Variants in PDZRN4 observed in about 807,000 individuals in gnomAD.
PDZRN4 encodes PDZ domain-containing RING finger protein 4.
PDZRN4 carries 70 observed loss-of-function variants against 99.0 expected under a neutral mutation model. The ratio of observed to expected loss-of-function variants is 0.71; its 90% CI spans 0.58 to 0.86. The LOEUF is 0.86. PDZRN4 is among the 40% of genes least tolerant of loss of function. The probability of loss-of-function intolerance (pLI) is 0.00; values close to 1 mark genes in which losing one functional copy is unlikely to be tolerated. For missense variants in PDZRN4, 1,474 were observed against 1,331.2 expected, an observed-to-expected ratio of 1.11 and a Z score of -1.67; for synonymous variants, 551 against 501.6, an observed-to-expected ratio of 1.10 and a Z score of -1.32.
At chr12:41,492,870 C>T (rs1482265095) in intron 3 of PDZRN4, among the ~76,000 whole-genome samples, 3 of 152,092 alleles carry the variant, frequency 2.0e-5, no homozygotes, top group East Asian at 1.9e-4. Flanking sequence ...CAAAATCAAC[C>T]TTGGCTTGAA....
At position 41,286,211 on chromosome 12, in the gene PDZRN4, T is replaced by C. The variant is rs577421053; in HGVS notation, c.843+92023T>C. Among the ~76,000 whole-genome samples, 3 of 151,990 alleles carry C rather than the reference T, an allele frequency of 2.0e-5. No homozygotes were observed. In the East Asian group the frequency reaches 5.8e-4, roughly 29 times the overall value. On this transcript the variant is annotated intron_variant, in intron 3 of 9. Coordinates refer to ENST00000402685, the MANE Select transcript of PDZRN4 (RefSeq NM_001164595.2). ...TTTAAGTATGCTGGTATATTAAAAG[T>C]GTACATGTTTGAAAAAAAACAGCAA... is the stretch of plus-strand genomic sequence containing the variant.
At chr12:41,385,295 A>G (rs903341821) in intron 3 of PDZRN4, among the ~76,000 whole-genome samples, 2 of 152,210 alleles carry the variant, frequency 1.3e-5, no homozygotes, top group African/African-American at 4.8e-5. Flanking sequence ...GGCAATGGAC[A>G]TGGCCTTGCA....
intron 3 of PDZRN4, among the ~76,000 whole-genome samples, chr12:41,464,905 AC>A (rs1318188263): frequency 4.0e-5 from 6 of 148,240 alleles, no homozygotes; most frequent in Non-Finnish European, 8.9e-5. Flanking sequence ...GCTCACTGCA[AC>A]CCCCTCCTCC....
At chr12:41,552,574 C>A in intron 5 of PDZRN4, 82 bp from the exon 6 acceptor site, 1 of 1,071,114 alleles carries the variant, frequency 9.3e-7, no homozygotes, top group Non-Finnish European at 1.4e-6. Context: ...CCAGAGTAAC[C>A]CAAAGAATAT....
chr12:41,556,493 G>A (rs553168681), intron 7 of PDZRN4, among the ~76,000 whole-genome samples: 3 of 152,330 alleles, frequency 2.0e-5, no homozygotes, highest in Admixed American at 2.0e-4. Context: ...TGACACAATG[G>A]TAAGTCTTTA....
chr12:41,308,419 T>A (rs1951585672), intron 3 of PDZRN4, among the ~76,000 whole-genome samples: 1 of 152,158 alleles, frequency 6.6e-6, no homozygotes, highest in South Asian at 2.1e-4. Flanking sequence ...CTTTTTTATA[T>A]CGCATTATTC....
Position 41,485,869 on chromosome 12 carries a change from A to G in PDZRN4, c.844-20587A>G, listed in dbSNP as rs562080071. On this transcript the variant is annotated intron_variant, in intron 3 of 9. Coordinates refer to ENST00000402685, the MANE Select transcript of PDZRN4 (RefSeq NM_001164595.2). ...TGCTACAACTTAGTCTCAAAAAACA[A>G]TTTAACCAGAAATACACCTAAAGGT... is the stretch of plus-strand genomic sequence containing the variant. Among the ~76,000 whole-genome samples the G allele has an allele frequency of 2.5e-4, 38 of 152,294 alleles. No homozygotes were observed. The East Asian group carries it at 7.3e-3, about 29-fold the overall frequency.
intron 3 of PDZRN4, among the ~76,000 whole-genome samples, chr12:41,373,576 C>G (rs1952059172): frequency 6.6e-6 from 1 of 152,160 alleles, no homozygotes; most frequent in Non-Finnish European, 1.5e-5. Context: ...TTAAGGTTCT[C>G]TCTTATTCCC....
intron 3 of PDZRN4, among the ~76,000 whole-genome samples, chr12:41,304,047 G>T (rs569528661): frequency 2.0e-5 from 3 of 152,262 alleles, no homozygotes; most frequent in Admixed American, 1.3e-4. Flanking sequence ...TCCCTGAGGA[G>T]GTCAGAAAAT....
chr12:41,294,953 T>C (rs937799740), intron 3 of PDZRN4, among the ~76,000 whole-genome samples: 18 of 152,048 alleles, frequency 1.2e-4, no homozygotes, highest in Non-Finnish European at 2.6e-4. Flanking sequence ...ATGAATCTTC[T>C]TCAAAGAGCC....
At chr12:41,486,939 G>A (rs1937787426) in intron 3 of PDZRN4, among the ~76,000 whole-genome samples, 1 of 152,092 alleles carries the variant, frequency 6.6e-6, no homozygotes, top group Non-Finnish European at 1.5e-5. Flanking sequence ...AGCGGCAGGA[G>A]CATTCCTTAC....
intron 3 of PDZRN4, among the ~76,000 whole-genome samples, chr12:41,224,528 A>G (rs1203566481): frequency 1.3e-5 from 2 of 152,178 alleles, no homozygotes; most frequent in African/African-American, 2.4e-5. Context: ...GGAAGAGATC[A>G]AGTGATAGTG....
chr12:41,316,550 C>A (rs1179238321), intron 3 of PDZRN4, among the ~76,000 whole-genome samples: 2 of 149,760 alleles, frequency 1.3e-5, no homozygotes, highest in African/African-American at 4.9e-5. Context: ...ATAGACACAA[C>A]TAAATATTTA....
intron 3 of PDZRN4, among the ~76,000 whole-genome samples, chr12:41,293,543 ATTTCC>A (rs1951470803): frequency 6.6e-6 from 1 of 152,010 alleles, no homozygotes; most frequent in Admixed American, 6.6e-5. Context: ...AGTTTGGCAG[ATTTCC>A]TTAGAATCTT....
At chr12:41,327,016 T>C (rs1352671323) in intron 3 of PDZRN4, among the ~76,000 whole-genome samples, 1 of 152,188 alleles carries the variant, frequency 6.6e-6, no homozygotes, top group Non-Finnish European at 1.5e-5. Context: ...TCTCTCCAGG[T>C]CAGTATAGTC....
chr12:41,486,182 A>G (rs1319092063), intron 3 of PDZRN4, among the ~76,000 whole-genome samples: 3 of 152,198 alleles, frequency 2.0e-5, no homozygotes. Context: ...ATTGTAAAAG[A>G]CATTAAAATA....
rs919177564 is a variant in PDZRN4 at position 41,195,564 on chromosome 12, G to A, written c.843+1376G>A. On this transcript the variant is annotated intron_variant, in intron 3 of 9. Transcript: ENST00000402685. Reference sequence around the variant, plus strand: ...AGAACACAACATTTATAAATTAGCCGACTACAAAATTTAGAAAAAAAAGAA... The same window carrying A: ...AGAACACAACATTTATAAATTAGCCAACTACAAAATTTAGAAAAAAAAGAA... Among the ~76,000 whole-genome samples the A allele has an allele frequency of 5.9e-5, 9 of 151,420 alleles. No homozygotes were observed. In the South Asian group the frequency reaches 6.3e-4, roughly 11 times the overall value.
chr12:41,439,624 A>T (rs1411370399), intron 3 of PDZRN4, among the ~76,000 whole-genome samples: 2 of 152,160 alleles, frequency 1.3e-5, no homozygotes, highest in Non-Finnish European at 2.9e-5. Flanking sequence ...ATGGATTTTT[A>T]AAATGCTTGT....
intron 3 of PDZRN4, among the ~76,000 whole-genome samples, chr12:41,410,127 AT>A (rs1952384545): frequency 1.3e-5 from 2 of 152,282 alleles, no homozygotes; most frequent in South Asian, 4.1e-4. Flanking sequence ...CTATTTCAAC[AT>A]TTTATCTTTT....
Sources: gnomAD v4.1 joint callset for allele counts (sites outside exome capture counted in the v4.1 genomes callset) on GRCh38, gnomAD v4.1.1 for gene constraint, MANE v1.5 for transcripts, NCBI Gene and HGNC (gene_info 2026-07-23, HGNC 2026-07-21) for gene names.